STAG1: variants seen among roughly 807,000 people sequenced by gnomAD.
STAG1 encodes the protein cohesin subunit SA-1.
A neutral mutation model predicts 170.9 loss-of-function variants in STAG1; 26 were observed. That is an observed-to-expected ratio of 0.15 (90% CI 0.11 to 0.21). The LOEUF (loss-of-function observed/expected upper bound fraction) is 0.21. Among genes scored for constraint, STAG1 ranks in the 10% least tolerant of loss-of-function variants. The pLI, the probability that STAG1 is intolerant of heterozygous loss-of-function variation, is 1.00. For synonymous variants in STAG1, 514 were observed against 497.7 expected (o/e 1.03, Z -0.44); for missense variants, 964 against 1,509.5 (o/e 0.64, Z 5.99).
chr3:136,445,825 T>C (rs992143847), intron 14 of STAG1, among the ~76,000 whole-genome samples: 1 of 152,184 alleles, frequency 6.6e-6, no homozygotes, highest in African/African-American at 2.4e-5. Context: ...CTTTGTGTAA[T>C]CATTTATTAG....
At chr3:136,447,657 A>G (rs1576474377) in intron 14 of STAG1, among the ~76,000 whole-genome samples, 1 of 115,962 alleles carries the variant, frequency 8.6e-6, no homozygotes, top group Admixed American at 1.1e-4. Flanking sequence ...CCCAGGCTGG[A>G]GGGCAGTGGT....
At position 136,551,208 on chromosome 3, in the gene STAG1, TGAGAGAGAGAGA is replaced by T. The variant is rs57609965; in HGVS notation, c.395-9025_395-9014del. Among the ~76,000 whole-genome samples the T allele has an allele frequency of 8.0e-3, 358 of 44,482 alleles. 1 individual carries two copies. The highest frequency in any genetic ancestry group is 0.034 in the South Asian group (38 of 1,134). 29.2% of individuals were successfully genotyped at this position (44,482 alleles called of 152,430 possible). On this transcript the variant is annotated intron_variant, in intron 5 of 33. Transcript: ENST00000383202. ...GAGAGAGAGAGAGGTTGAGAGAGAGTGAGAGAGAGAGAGAGAGAGAGAGAGAGAGAGAGAGAG... is the reference window on the plus strand; with the variant it reads ...GAGAGAGAGAGAGGTTGAGAGAGAGTGAGAGAGAGAGAGAGAGAGAGAGAG...
intron 2 of STAG1, among the ~76,000 whole-genome samples, chr3:136,629,606 G>T (rs192603513): frequency 1.3e-5 from 2 of 152,102 alleles, no homozygotes; most frequent in African/African-American, 4.8e-5. Context: ...GGACAGTATT[G>T]ATGGTTTTTC....
chr3:136,715,542 C>A (rs1036919834), intron 1 of STAG1, among the ~76,000 whole-genome samples: 6 of 151,918 alleles, frequency 3.9e-5, no homozygotes, highest in Admixed American at 2.6e-4. Flanking sequence ...ATTTCTTGAA[C>A]CCGGGAGGCA....
chr3:136,534,836 G>A (rs921302353), intron 6 of STAG1, among the ~76,000 whole-genome samples: 1 of 152,154 alleles, frequency 6.6e-6, no homozygotes, highest in Non-Finnish European at 1.5e-5. Flanking sequence ...AAAACAGTGT[G>A]GAGATTTTTC....
intron 1 of STAG1, among the ~76,000 whole-genome samples, chr3:136,751,654 C>T (rs941880209): frequency 6.6e-6 from 1 of 152,272 alleles, no homozygotes; most frequent in East Asian, 1.9e-4. Flanking sequence ...CCGAGCGACC[C>T]CCCAGGCCCC....
chr3:136,553,746 C>T (rs1475054421), intron 5 of STAG1, among the ~76,000 whole-genome samples: 1 of 152,206 alleles, frequency 6.6e-6, no homozygotes, highest in Non-Finnish European at 1.5e-5. Context: ...TGCGCTCCAG[C>T]CTGGCAAGAG....
intron 5 of STAG1, among the ~76,000 whole-genome samples, chr3:136,553,690 C>CT (rs2107741768): frequency 6.6e-6 from 1 of 152,354 alleles, no homozygotes; most frequent in South Asian, 2.1e-4. Flanking sequence ...AGGGGAATCG[C>CT]TTGAACCCAG....
intron 7 of STAG1, among the ~76,000 whole-genome samples, chr3:136,517,101 T>C (rs993402388): frequency 5.3e-5 from 8 of 152,186 alleles, no homozygotes; most frequent in Non-Finnish European, 1.0e-4. Flanking sequence ...TAATGAATCA[T>C]ATGTGAATAT....
At chr3:136,524,258 T>A (rs546105080) in intron 6 of STAG1, among the ~76,000 whole-genome samples, 99 of 152,304 alleles carry the variant, frequency 6.5e-4, no homozygotes, top group African/African-American at 2.3e-3. Context: ...GTTTGTGTCG[T>A]CTTTTATTTC....
intron 6 of STAG1, among the ~76,000 whole-genome samples, chr3:136,538,843 A>C (rs1361747387): frequency 3.9e-5 from 6 of 152,038 alleles, no homozygotes; most frequent in Non-Finnish European, 7.4e-5. Flanking sequence ...TAGTTTAAAA[A>C]ATGTTTTAGT....
chr3:136,551,781 G>A (rs1400084870), intron 5 of STAG1, among the ~76,000 whole-genome samples: 1 of 151,944 alleles, frequency 6.6e-6, no homozygotes, highest in Non-Finnish European at 1.5e-5. Flanking sequence ...TTTTTGTAGA[G>A]ACAGGGTCTT....
intron 7 of STAG1, among the ~76,000 whole-genome samples, chr3:136,507,129 G>A (rs1433034386): frequency 1.3e-5 from 2 of 152,192 alleles, no homozygotes; most frequent in Admixed American, 1.3e-4. Flanking sequence ...TAAAAGACTT[G>A]ATGGTTACAT....
At chr3:136,673,066 T>C (rs2107877683) in intron 1 of STAG1, among the ~76,000 whole-genome samples, 1 of 152,252 alleles carries the variant, frequency 6.6e-6, no homozygotes, top group East Asian at 1.9e-4. Flanking sequence ...GAAGAGATCA[T>C]TCTTTTCTAC....
At chr3:136,365,468 G>C (rs1410049684) in intron 25 of STAG1, among the ~76,000 whole-genome samples, 1 of 152,050 alleles carries the variant, frequency 6.6e-6, no homozygotes, top group Non-Finnish European at 1.5e-5. Context: ...TCATAGTTCT[G>C]ATTTTCCAAA....
At chr3:136,463,225 C>G (rs1388705325) in intron 13 of STAG1, among the ~76,000 whole-genome samples, 2 of 152,130 alleles carry the variant, frequency 1.3e-5, no homozygotes, top group African/African-American at 4.8e-5. Context: ...TGCCAGCATG[C>G]CCAGTAAGTA....
chr3:136,662,430 G>A (rs1941612581), intron 1 of STAG1, among the ~76,000 whole-genome samples: 1 of 152,016 alleles, frequency 6.6e-6, no homozygotes, highest in Admixed American at 6.6e-5. Context: ...GGGATTACAG[G>A]CATGAACCAC....
intron 6 of STAG1, among the ~76,000 whole-genome samples, chr3:136,528,164 C>T (rs1000744070): frequency 1.3e-5 from 2 of 152,192 alleles, no homozygotes; most frequent in African/African-American, 4.8e-5. Context: ...TTTTGTTCAG[C>T]TATGCCCTGC....
intron 1 of STAG1, among the ~76,000 whole-genome samples, chr3:136,723,878 G>T (rs1311882785): frequency 1.1e-4 from 17 of 148,412 alleles, no homozygotes; most frequent in African/African-American, 4.0e-4. Context: ...CCGGGAGGGT[G>T]GTGGGGGAGT....
Sources: gnomAD v4.1 joint callset for allele counts (sites outside exome capture counted in the v4.1 genomes callset) on GRCh38, gnomAD v4.1.1 for gene constraint, MANE v1.5 for transcripts, NCBI Gene and HGNC (gene_info 2026-07-23, HGNC 2026-07-21) for gene names.